LRRC4C: variants seen among roughly 807,000 people sequenced by gnomAD.
The protein encoded by LRRC4C is leucine rich repeat containing 4C.
Under a neutral mutation model 33.6 loss-of-function variants are expected in LRRC4C, and 5 were observed. The observed-to-expected ratio is 0.15, with a 90% CI of 0.08 to 0.31. LRRC4C has a LOEUF of 0.31. LRRC4C is among the 10% of genes least tolerant of loss of function. The probability of loss-of-function intolerance (pLI) is 1.00; values close to 1 mark genes in which losing one functional copy is unlikely to be tolerated. For missense variants in LRRC4C, 560 were observed against 796.7 expected (o/e 0.70, Z 3.58); for synonymous variants, 329 against 302.0 (o/e 1.09, Z -0.93).
chr11:40,406,947 T>A (rs939468000), intron 3 of LRRC4C, among the ~76,000 whole-genome samples: 1 of 152,108 alleles, frequency 6.6e-6, no homozygotes, highest in East Asian at 1.9e-4. Context: ...GACAAATTTA[T>A]GTGTAATAAG....
At chr11:41,022,143 TA>T (rs1395516335) in intron 1 of LRRC4C, among the ~76,000 whole-genome samples, 2,065 of 38,298 alleles carry the variant, frequency 0.054, 51 homozygotes, top group African/African-American at 0.12. Flanking sequence ...AATTTTGTTT[TA>T]TATATATATA....
Position 41,188,912 on chromosome 11 carries a change from C to CA in LRRC4C, c.-495-255190dup, listed in dbSNP as rs35752552. 2.5e-3 allele frequency among the ~76,000 whole-genome samples: 343 copies of CA among 137,060 alleles called. 4 individuals carry two copies. Among genetic ancestry groups the CA allele is most frequent in the African/African-American group, 8.6e-3 (309 of 35,984 alleles). 89.9% of individuals were successfully genotyped at this position (137,060 alleles called of 152,430 possible). On this transcript the variant is annotated intron_variant, in intron 1 of 6. Coordinates refer to ENST00000528697, the MANE Select transcript of LRRC4C (RefSeq NM_001258419.2). Reference sequence around the variant, plus strand: ...ACAAAACAGGACCTGCCCCCCCCCCCAAAAAAAAGTATAATTTATGTTGGC... The same window carrying CA: ...ACAAAACAGGACCTGCCCCCCCCCCCAAAAAAAAAGTATAATTTATGTTGGC...
At chr11:40,782,689 T>C (rs1415720679) in intron 2 of LRRC4C, among the ~76,000 whole-genome samples, 2 of 152,170 alleles carry the variant, frequency 1.3e-5, no homozygotes, top group Non-Finnish European at 2.9e-5. Context: ...ATGACAAAGA[T>C]TATTAATAGA....
At chr11:40,691,545 C>T (rs1945221385) in intron 2 of LRRC4C, among the ~76,000 whole-genome samples, 2 of 152,100 alleles carry the variant, frequency 1.3e-5, no homozygotes, top group Admixed American at 6.6e-5. Flanking sequence ...TAACTACATA[C>T]CGGTGTACAA....
chr11:40,802,335 T>A (rs549065958), intron 2 of LRRC4C, among the ~76,000 whole-genome samples: 1 of 152,102 alleles, frequency 6.6e-6, no homozygotes, highest in Admixed American at 6.6e-5. Flanking sequence ...ATTTAATAAA[T>A]GGTAATTTTA....
chr11:40,550,418 C>T (rs1489137449), intron 3 of LRRC4C, among the ~76,000 whole-genome samples: 1 of 151,956 alleles, frequency 6.6e-6, no homozygotes, highest in Admixed American at 6.6e-5. Flanking sequence ...TTTACTTTAA[C>T]TTCAGTTTCT....
At chr11:41,213,774 A>G (rs774759027) in intron 1 of LRRC4C, among the ~76,000 whole-genome samples, 1 of 152,228 alleles carries the variant, frequency 6.6e-6, no homozygotes, top group Non-Finnish European at 1.5e-5. Context: ...GAATTACTCC[A>G]GGGCTATCCC....
At chr11:40,335,062 T>A (rs960695221) in intron 3 of LRRC4C, among the ~76,000 whole-genome samples, 1 of 152,174 alleles carries the variant, frequency 6.6e-6, no homozygotes, top group Non-Finnish European at 1.5e-5. Context: ...ATATGCTTGA[T>A]ATTATTTTTT....
At chr11:41,332,046 A>G (rs1410524957) in intron 1 of LRRC4C, among the ~76,000 whole-genome samples, 2 of 152,168 alleles carry the variant, frequency 1.3e-5, no homozygotes, top group African/African-American at 2.4e-5. Context: ...TGTAAAATGT[A>G]AAATCCATTC....
intron 2 of LRRC4C, among the ~76,000 whole-genome samples, chr11:40,858,440 A>G (rs1379903455): frequency 6.6e-6 from 1 of 152,096 alleles, no homozygotes; most frequent in Non-Finnish European, 1.5e-5. Context: ...CATGCCTATA[A>G]TCCCAGCACT....
At chr11:40,470,894 C>T (rs927253766) in intron 3 of LRRC4C, among the ~76,000 whole-genome samples, 2 of 151,912 alleles carry the variant, frequency 1.3e-5, no homozygotes, top group African/African-American at 4.8e-5. Flanking sequence ...GTGAAAAGAC[C>T]AAAGCTACAT....
intron 1 of LRRC4C, among the ~76,000 whole-genome samples, chr11:40,995,993 T>C (rs948903190): frequency 2.0e-5 from 3 of 152,176 alleles, no homozygotes; most frequent in Non-Finnish European, 4.4e-5. Flanking sequence ...GGATAGAAAG[T>C]CTAAGAAAAC....
Position 40,405,094 on chromosome 11 carries a change from C to T in LRRC4C, c.-269-85373G>A, listed in dbSNP as rs187013347. Among the ~76,000 whole-genome samples the T allele has an allele frequency of 2.6e-5, 4 of 152,072 alleles. No individual in the cohort carries two copies. In the East Asian group the frequency reaches 7.8e-4, roughly 30 times the overall value. The stretch of plus-strand genomic sequence containing the variant: ...CTTTGACCTACACTTCCTGCCCCAA[C>T]CCCAACCCTGGTAACTACTGTTGTA... On this transcript the variant is annotated intron_variant, in intron 3 of 6. Coordinates refer to ENST00000528697, the MANE Select transcript of LRRC4C (RefSeq NM_001258419.2).
chr11:41,320,860 A>G (rs973250406), intron 1 of LRRC4C, among the ~76,000 whole-genome samples: 3 of 152,116 alleles, frequency 2.0e-5, no homozygotes, highest in Non-Finnish European at 2.9e-5. Context: ...ACACATTCAG[A>G]TTGTTGGCAG....
Position 40,248,950 on chromosome 11 carries a change from C to T in LRRC4C, c.-175-7352G>A, listed in dbSNP as rs145913630. On this transcript the variant is annotated intron_variant, in intron 4 of 6. Coordinates refer to ENST00000528697, the MANE Select transcript of LRRC4C (RefSeq NM_001258419.2). Reference sequence around the variant, plus strand: ...TGCTTGAGATCAGAGACTACAACGGCAGTGACTGCTTTTTTTCATCCTAAG... The same window carrying T: ...TGCTTGAGATCAGAGACTACAACGGTAGTGACTGCTTTTTTTCATCCTAAG... Among the ~76,000 whole-genome samples the T allele has an allele frequency of 1.4e-3, 207 of 152,266 alleles. 2 individuals are homozygous for T. The highest frequency in any genetic ancestry group is 4.8e-3 in the African/African-American group (198 of 41,548).
intron 2 of LRRC4C, among the ~76,000 whole-genome samples, chr11:40,792,579 C>T (rs945327204): frequency 3.3e-5 from 5 of 151,974 alleles, no homozygotes; most frequent in Admixed American, 6.6e-5. Flanking sequence ...GTCAGTGTGG[C>T]GATTCCTCAG....
intron 3 of LRRC4C, among the ~76,000 whole-genome samples, chr11:40,350,921 T>C (rs1249770415): frequency 6.6e-6 from 1 of 152,064 alleles, no homozygotes. Context: ...CGTGACAGAT[T>C]TTTGTATGTT....
intron 4 of LRRC4C, among the ~76,000 whole-genome samples, chr11:40,265,892 A>G (rs538081655): frequency 6.6e-6 from 1 of 152,356 alleles, no homozygotes; most frequent in East Asian, 1.9e-4. Context: ...GAGAAGGAAG[A>G]ATTTGACAGA....
At chr11:40,263,423 C>T (rs72891082) in intron 4 of LRRC4C, among the ~76,000 whole-genome samples, 1 of 152,240 alleles carries the variant, frequency 6.6e-6, no homozygotes, top group Non-Finnish European at 1.5e-5. Context: ...ATTTCCCAAG[C>T]AAGACCATTC....
Sources: allele counts gnomAD v4.1 joint callset (sites outside exome capture counted in the v4.1 genomes callset), GRCh38; gene constraint gnomAD v4.1.1; transcripts MANE v1.5; gene names NCBI Gene and HGNC (gene_info 2026-07-23, HGNC 2026-07-21).